The following STRN variants were observed in gnomAD, a reference collection of about 807,000 sequenced individuals.
STRN encodes protein phosphatase 2 regulatory subunit B'''alpha.
In STRN, 53 loss-of-function variants were observed where a neutral mutation model predicts 96.3. The ratio of observed to expected loss-of-function variants is 0.55; its 90% CI spans 0.44 to 0.69. STRN has a LOEUF of 0.69. Ranked by LOEUF, STRN falls within the 30% of genes least tolerant of loss-of-function variation. STRN has a pLI of 0.00. For synonymous variants in STRN, 428 were observed against 355.9 expected (o/e 1.20, Z -2.28); for missense variants, 987 against 963.9 (o/e 1.02, Z -0.32).
At chr2:36,907,266 C>T (rs1418116977) in intron 3 of STRN, among the ~76,000 whole-genome samples, 1 of 151,994 alleles carries the variant, frequency 6.6e-6, no homozygotes, top group Admixed American at 6.6e-5. Context: ...TAAGTATTTA[C>T]GGGACAGGCA....
chr2:36,929,134 A>G (rs1670501248), intron 1 of STRN, among the ~76,000 whole-genome samples: 1 of 152,214 alleles, frequency 6.6e-6, no homozygotes, highest in African/African-American at 2.4e-5. Flanking sequence ...TTCACAGTAT[A>G]GAAAATTATT....
chr2:36,917,351 G>C (rs2148220606), intron 2 of STRN, among the ~76,000 whole-genome samples: 2 of 151,424 alleles, frequency 1.3e-5, no homozygotes, highest in East Asian at 3.9e-4. Flanking sequence ...GTGAAACCCT[G>C]TCTCTATCAA....
chr2:36,867,679 T>A, intron 12 of STRN, 135 bp downstream of exon 12: 1 of 496,390 alleles, frequency 2.0e-6, no homozygotes, highest in South Asian at 5.1e-5. Flanking sequence ...CATTATATTA[T>A]CTGTCAAATT....
At chr2:36,854,570 C>T (rs1005878797) in intron 15 of STRN, among the ~76,000 whole-genome samples, 7 of 152,194 alleles carry the variant, frequency 4.6e-5, no homozygotes, top group African/African-American at 1.7e-4. Context: ...TGTGCACACA[C>T]ACAACATATC....
intron 1 of STRN, among the ~76,000 whole-genome samples, chr2:36,939,378 G>T (rs186086544): frequency 5.0e-4 from 76 of 152,088 alleles, no homozygotes; most frequent in African/African-American, 1.5e-3. Context: ...TTAATTAGAC[G>T]TGATGATAAT....
chr2:36,901,139 A>C (rs1669671241), intron 5 of STRN, among the ~76,000 whole-genome samples: 1 of 152,206 alleles, frequency 6.6e-6, no homozygotes, highest in Non-Finnish European at 1.5e-5. Flanking sequence ...AATCGGACAG[A>C]TTAGCAACAG....
intron 1 of STRN, among the ~76,000 whole-genome samples, chr2:36,939,114 T>C (rs1670777618): frequency 6.6e-6 from 1 of 151,870 alleles, no homozygotes; most frequent in African/African-American, 2.4e-5. Flanking sequence ...GCCTCCCGAG[T>C]AGCTGGAATT....
intron 15 of STRN, among the ~76,000 whole-genome samples, chr2:36,851,562 C>T (rs2255330): frequency 0.84 from 128,443 of 152,190 alleles, 56,397 homozygotes; most frequent in Non-Finnish European, 0.96. Flanking sequence ...TATTCTGTGA[C>T]TGTTTTCAAA....
chr2:36,937,413 A>G (rs1236909895), intron 1 of STRN, among the ~76,000 whole-genome samples: 1 of 151,974 alleles, frequency 6.6e-6, no homozygotes, highest in Non-Finnish European at 1.5e-5. Context: ...TCAAGCCTGT[A>G]ATCTTATCAC....
intron 6 of STRN, among the ~76,000 whole-genome samples, chr2:36,895,452 C>T (rs1476519156): frequency 6.6e-6 from 1 of 152,100 alleles, no homozygotes; most frequent in East Asian, 1.9e-4. Context: ...ACAGCACCTC[C>T]CAATCTACCA....
intron 1 of STRN, among the ~76,000 whole-genome samples, chr2:36,944,558 TA>T (rs1275096815): frequency 3.9e-5 from 6 of 152,226 alleles, no homozygotes. Context: ...TCATTTAACT[TA>T]CAAGTATAGA....
intron 12 of STRN, 70 bp from the exon 13 acceptor site, chr2:36,861,323 A>G: frequency 6.4e-7 from 1 of 1,560,956 alleles, no homozygotes; most frequent in Non-Finnish European, 8.7e-7. Flanking sequence ...CTTGTTAAAA[A>G]TAAGAATGTT....
chr2:36,875,774 A>G (rs1668889839), intron 10 of STRN, among the ~76,000 whole-genome samples: 1 of 150,672 alleles, frequency 6.6e-6, no homozygotes, highest in Non-Finnish European at 1.5e-5. Context: ...CTCCTGCCTC[A>G]GCCTTATGAG....
chr2:36,964,739 G>A (rs949802830), intron 1 of STRN, among the ~76,000 whole-genome samples: 3 of 152,150 alleles, frequency 2.0e-5, no homozygotes, highest in Admixed American at 1.3e-4. Flanking sequence ...CGCTATTCCT[G>A]AACTCTGACT....
intron 3 of STRN, among the ~76,000 whole-genome samples, chr2:36,911,247 C>T (rs374824830): frequency 2.0e-5 from 3 of 152,286 alleles, no homozygotes; most frequent in African/African-American, 7.2e-5. Context: ...CAGCCACCAC[C>T]CTCTCTAGCT....
intron 6 of STRN, 54 bp from the exon 7 acceptor site, chr2:36,894,087 G>T: frequency 6.4e-7 from 1 of 1,556,300 alleles, no homozygotes; most frequent in Non-Finnish European, 8.7e-7. Context: ...CTTTACCACT[G>T]AATAAGAAAA....
Position 36,902,644 on chromosome 2 carries a change from T to C in STRN, c.599A>G (p.Lys200Arg), listed in dbSNP as rs1174514837. The C allele has an allele frequency of 1.1e-5, 17 of 1,612,156 alleles. No homozygotes were observed. The highest frequency in any genetic ancestry group is 1.4e-5 in the Non-Finnish European group (16 of 1,178,716). Residue 200 changes from lysine (K) to arginine (R), a missense_variant, in exon 5 of 18, where the codon AAA becomes AGA. Lys to Arg is a conservative substitution (Grantham distance 26). Transcript: ENST00000263918. ...GCCATTTACAACTGAGTCCTGATTTTTGTCATCTTCCCTGTCCGTGACATC... is the reference window on the plus strand; with the variant it reads ...GCCATTTACAACTGAGTCCTGATTTCTGTCATCTTCCCTGTCCGTGACATC... ...SSDVTDREDD[K>R]NQDSVVNGTE...
At chr2:36,923,462 A>C (rs1020845754) in intron 2 of STRN, among the ~76,000 whole-genome samples, 18 of 152,020 alleles carry the variant, frequency 1.2e-4, no homozygotes, top group South Asian at 2.1e-4. Context: ...AAAAAAAAAA[A>C]AACAACTCAC....
chr2:36,886,536 T>C lies in STRN; in HGVS notation c.1042+180A>G, dbSNP rs554585201. 2.6e-5 allele frequency among the ~76,000 whole-genome samples: 4 copies of C among 152,290 alleles called. No individual in the cohort carries two copies. In the East Asian group the frequency reaches 7.7e-4, roughly 29 times the overall value. ...ATAAGTACATGTGGGTTGTTTTCTT[T>C]TAAGTTCATAATTAAATAGCTAATC... On this transcript the variant is annotated intron_variant, in intron 8 of 17. Coordinates refer to ENST00000263918, the MANE Select transcript of STRN (RefSeq NM_003162.4).
Sources: allele counts gnomAD v4.1 joint callset (sites outside exome capture counted in the v4.1 genomes callset), GRCh38; gene constraint gnomAD v4.1.1; transcripts MANE v1.5; gene names NCBI Gene and HGNC (gene_info 2026-07-23, HGNC 2026-07-21).